ENKUR: variants seen among roughly 807,000 people sequenced by gnomAD.
ENKUR encodes enkurin.
In ENKUR, 19 loss-of-function variants were observed where a neutral mutation model predicts 27.6. The ratio of observed to expected loss-of-function variants is 0.69; its 90% confidence interval spans 0.48 to 1.01. The LOEUF (loss-of-function observed/expected upper bound fraction) is 1.01. Among genes scored for constraint, ENKUR ranks in the 50% least tolerant of loss-of-function variants. The probability of loss-of-function intolerance (pLI) is 0.00; values close to 1 mark genes in which losing one functional copy is unlikely to be tolerated. For synonymous variants in ENKUR, 117 were observed against 96.9 expected (o/e 1.21, Z -1.22); for missense variants, 312 against 310.5 (o/e 1.00, Z -0.04).
upstream of ENKUR, among the ~76,000 whole-genome samples, chr10:25,020,171 G>C (rs1182638898): frequency 6.6e-6 from 1 of 151,676 alleles, no homozygotes; most frequent in Admixed American, 6.6e-5. Flanking sequence ...CTAGTCTAAG[G>C]AACATGTTTG....
intron 2 of ENKUR, among the ~76,000 whole-genome samples, chr10:25,028,528 C>A (rs1397790170): frequency 6.6e-6 from 1 of 152,174 alleles, no homozygotes; most frequent in African/African-American, 2.4e-5. Flanking sequence ...AACTTCTCCC[C>A]TTCTGTGTAA....
chr10:25,024,374 G>T (rs1253308086), intron 2 of ENKUR: 11 of 1,613,870 alleles, frequency 6.8e-6, no homozygotes, highest in African/African-American at 1.3e-5. Flanking sequence ...GACACAGGGA[G>T]TGCAGTCTTA....
In ENKUR at chr10:25,021,460, C is replaced by T. The variant is rs982083116; in HGVS notation, c.38-25591G>A. Among the ~76,000 whole-genome samples, 4 of 152,110 alleles carry T rather than the reference C, an allele frequency of 2.6e-5. No individual in the cohort carries two copies. In the East Asian group the frequency reaches 5.8e-4, roughly 22 times the overall value. On this transcript the variant is annotated intron_variant, in intron 2 of 5. Coordinates refer to the ENKUR transcript ENST00000615958. ...CCAAATCATTAAAATTCCAGATATC[C>T]TTCTGAAAAGTTTTATATTTGTTAT...
chr10:25,026,989 T>A (rs140357975), intron 2 of ENKUR, among the ~76,000 whole-genome samples: 2 of 152,278 alleles, frequency 1.3e-5, no homozygotes, highest in East Asian at 3.9e-4. Flanking sequence ...TATTATTTTA[T>A]CATTTACTTT....
At chr10:25,054,496 T>TCTTTC (rs1554774524) in intron 2 of ENKUR, among the ~76,000 whole-genome samples, 2 of 141,400 alleles carry the variant, frequency 1.4e-5, no homozygotes, top group African/African-American at 2.7e-5. Flanking sequence ...TTTCTTTCTT[T>TCTTTC]CTTTCTTTCT....
At chr10:25,058,482 A>G (rs1031104802) in intron 2 of ENKUR, among the ~76,000 whole-genome samples, 1 of 152,208 alleles carries the variant, frequency 6.6e-6, no homozygotes, top group Non-Finnish European at 1.5e-5. Context: ...CACTGGAATT[A>G]CAGGCATGAG....
intron 1 of ENKUR, among the ~76,000 whole-genome samples, chr10:25,009,257 A>C (rs1006005188): frequency 5.6e-5 from 8 of 143,692 alleles, no homozygotes; most frequent in Non-Finnish European, 8.9e-5. Context: ...GAGTATAATA[A>C]AAAAAAAAGT....
chr10:24,992,830 T>A (rs1237451455), intron 3 of ENKUR, among the ~76,000 whole-genome samples: 1 of 152,126 alleles, frequency 6.6e-6, no homozygotes, highest in African/African-American at 2.4e-5. Context: ...ACAAATAGAC[T>A]CTGGGAGGCC....
At chr10:25,005,976 G>A (rs536618093) in intron 1 of ENKUR, among the ~76,000 whole-genome samples, 10 of 152,226 alleles carry the variant, frequency 6.6e-5, no homozygotes, top group Admixed American at 2.6e-4. Flanking sequence ...TGCCACATGC[G>A]GAAATCATAG....
chr10:25,008,745 C>T (rs1372011331), intron 1 of ENKUR, among the ~76,000 whole-genome samples: 1 of 152,202 alleles, frequency 6.6e-6, no homozygotes, highest in African/African-American at 2.4e-5. Flanking sequence ...ACCCAGCCAT[C>T]CCATTACTGG....
chr10:25,018,480 AG>A (rs1430019413), upstream of ENKUR, among the ~76,000 whole-genome samples: 3 of 152,220 alleles, frequency 2.0e-5, no homozygotes, highest in African/African-American at 7.2e-5. Context: ...GCTCAAAAGC[AG>A]CCAAAGACGG....
chr10:25,033,268 G>C (rs1039217322), intron 2 of ENKUR, among the ~76,000 whole-genome samples: 1 of 151,918 alleles, frequency 6.6e-6, no homozygotes. Flanking sequence ...GCAAGGCATG[G>C]TGGTGCATGT....
At chr10:24,985,518 A>G (rs1849760040) in intron 4 of ENKUR, among the ~76,000 whole-genome samples, 1 of 152,236 alleles carries the variant, frequency 6.6e-6, no homozygotes, top group South Asian at 2.1e-4. Context: ...AATGTATTCT[A>G]TAAATGATTG....
Position 24,990,580 on chromosome 10 carries a change from ACATATGTATTCAGG to A in ENKUR, c.463_476del (p.Pro155Ter). ...CTTTCTTTATTTCCTCGTTTCGCTT[ACATATGTATTCAGG>A]TGTGACACCATAATCCTAAAAAGAT... On this transcript the variant is annotated frameshift_variant, in exon 4 of 6. Transcript: ENST00000331161. LOFTEE classifies it high-confidence loss of function. The A allele has an allele frequency of 1.2e-6, 2 of 1,612,490 alleles. No individual in the cohort carries two copies. Among genetic ancestry groups the A allele is most frequent in the Non-Finnish European group, 1.7e-6 (2 of 1,179,690 alleles).
At position 24,984,852 on chromosome 10, in the gene ENKUR, G is replaced by A. The variant is rs763974043; in HGVS notation, c.648C>T (p.Val216=). 5 of 1,613,418 alleles carry A rather than the reference G, an allele frequency of 3.1e-6. No individual in the cohort carries two copies. Among genetic ancestry groups the A allele is most frequent in the Non-Finnish European group, 4.2e-6 (5 of 1,179,796 alleles). The change falls in exon 5 of 6, where the codon GTC becomes GTT. Residue 216 remains valine (V), a synonymous_variant. Coordinates refer to ENST00000331161, the MANE Select transcript of ENKUR (RefSeq NM_145010.4). The part of the protein sequence containing the change: ...EVHKEFQSLS[V]FIDSIPKKIR... ...TCTTCTTTGGTATAGAATCTATAAA[G>A]ACCGAGAGGGACTGGAATTCTTTAT...
chr10:25,029,603 G>A (rs1384415791), intron 2 of ENKUR, among the ~76,000 whole-genome samples: 1 of 152,066 alleles, frequency 6.6e-6, no homozygotes, highest in East Asian at 1.9e-4. Context: ...ACATAATACT[G>A]TTTTTGTCCC....
At chr10:25,032,589 C>T (rs914659349) in intron 2 of ENKUR, among the ~76,000 whole-genome samples, 2 of 152,162 alleles carry the variant, frequency 1.3e-5, no homozygotes, top group Non-Finnish European at 2.9e-5. Context: ...CCCAAACCCA[C>T]CTCCTGGTTC....
chr10:25,021,339 T>C (rs1296191817), intron 2 of ENKUR, among the ~76,000 whole-genome samples: 2 of 152,266 alleles, frequency 1.3e-5, no homozygotes. Context: ...TATGAATATA[T>C]AGTGATTTTG....
At chr10:25,018,024 T>C (rs551033324), upstream of ENKUR, among the ~76,000 whole-genome samples, 1 of 152,302 alleles carries the variant, frequency 6.6e-6, no homozygotes, top group East Asian at 1.9e-4. Flanking sequence ...CAAAACATGA[T>C]TTCTGCAGTT....
Sources: allele counts gnomAD v4.1 joint callset (sites outside exome capture counted in the v4.1 genomes callset), GRCh38; gene constraint gnomAD v4.1.1; transcripts MANE v1.5; gene names NCBI Gene and HGNC (gene_info 2026-07-23, HGNC 2026-07-21).